KLF5: variants seen among roughly 807,000 people sequenced by gnomAD.
The protein encoded by KLF5 is KLF transcription factor 5.
A neutral mutation model predicts 36.9 loss-of-function variants in KLF5; 9 were observed. The observed-to-expected ratio is 0.24, with a 90% confidence interval of 0.15 to 0.43. KLF5 has a LOEUF of 0.43. Ranked by LOEUF, KLF5 falls within the 20% of genes least tolerant of loss-of-function variation. The probability of loss-of-function intolerance (pLI) is 1.00; values close to 1 mark genes in which losing one functional copy is unlikely to be tolerated. For missense variants in KLF5, 524 were observed against 599.5 expected (o/e 0.87, Z 1.31); for synonymous variants, 246 against 241.7 (o/e 1.02, Z -0.17).
upstream of KLF5, among the ~76,000 whole-genome samples, chr13:73,056,996 T>G (rs1293413671): frequency 1.3e-5 from 2 of 152,106 alleles, no homozygotes; most frequent in African/African-American, 2.4e-5. Context: ...GGTGTGAAAT[T>G]ATAGAAGCAT....
At chr13:73,058,321 G>C (rs574759085), upstream of KLF5, among the ~76,000 whole-genome samples, 25 of 152,218 alleles carry the variant, frequency 1.6e-4, no homozygotes, top group African/African-American at 6.0e-4. Context: ...AATCCTGAAG[G>C]AGTGGGAAAA....
At chr13:73,068,353 A>T (rs1268400492) in intron 3 of KLF5, among the ~76,000 whole-genome samples, 1 of 152,012 alleles carries the variant, frequency 6.6e-6, no homozygotes, top group Admixed American at 6.6e-5. Context: ...TGTACTTGAG[A>T]TTTGCTGCTG....
intron 3 of KLF5, among the ~76,000 whole-genome samples, chr13:73,065,749 T>TAGG (rs1325302937): frequency 6.6e-6 from 1 of 152,214 alleles, no homozygotes; most frequent in Admixed American, 6.5e-5. Context: ...CCTTGAGAGA[T>TAGG]AGGAGGGAAC....
At chr13:73,062,806 TGTGCGTGTGTGCACGCGC>T (rs769303701) in intron 2 of KLF5, 72 bp downstream of exon 2, 215 of 1,327,346 alleles carry the variant, frequency 1.6e-4, no homozygotes, top group Middle Eastern at 1.5e-3. Flanking sequence ...TGCGCGCGCG[TGTGCGTGTGTGCACGCGC>T]GTGCCCTTTT....
chr13:73,068,703 C>CAAA (rs59878653), intron 3 of KLF5, among the ~76,000 whole-genome samples: 4 of 93,206 alleles, frequency 4.3e-5, no homozygotes, highest in Non-Finnish European at 2.0e-5. Flanking sequence ...GACTCCATCT[C>CAAA]AAAAAAAAAA....
At position 73,059,568 on chromosome 13, in the gene KLF5, C is replaced by A; in HGVS notation, c.241C>A (p.Pro81Thr). The A allele has an allele frequency of 8.6e-7, 1 of 1,166,960 alleles. No homozygotes were observed. The highest frequency in any genetic ancestry group is 1.1e-6 in the Non-Finnish European group (1 of 949,748). The allele number at this position is 1,166,960 out of a possible 1,614,324, so 72.3% of individuals were successfully genotyped here. ...AQPPATGPRL[P>T]PEDLVQTRCE... ...GCCGCCCGCCACCGGCCCGCGGCTG[C>A]CTCCAGAGGACCTGGTCCAGGTAGG... The change falls in exon 1 of 4, where the codon CCT (proline) becomes ACT (threonine). Residue 81 changes from proline to threonine, a missense_variant. Coordinates refer to ENST00000377687, the MANE Select transcript of KLF5 (RefSeq NM_001730.5).
upstream of KLF5, among the ~76,000 whole-genome samples, chr13:73,056,735 A>G (rs895228522): frequency 2.6e-5 from 4 of 152,208 alleles, no homozygotes; most frequent in African/African-American, 7.2e-5. Flanking sequence ...TTTCAGAGAA[A>G]CTATTACTTA....
chr13:73,070,384 G>A (rs910769144), intron 3 of KLF5, among the ~76,000 whole-genome samples: 1 of 152,186 alleles, frequency 6.6e-6, no homozygotes, highest in African/African-American at 2.4e-5. Flanking sequence ...ATTCCTCATT[G>A]ACACTTTAAC....
At chr13:73,065,844 T>C (rs2044675323) in intron 3 of KLF5, among the ~76,000 whole-genome samples, 1 of 152,224 alleles carries the variant, frequency 6.6e-6, no homozygotes, top group Non-Finnish European at 1.5e-5. Flanking sequence ...AGGGATGTAG[T>C]CAAACCCATA....
intron 3 of KLF5, among the ~76,000 whole-genome samples, chr13:73,068,865 G>A (rs1309604937): frequency 6.6e-6 from 1 of 152,094 alleles, no homozygotes; most frequent in African/African-American, 2.4e-5. Context: ...GGAGGCGGAG[G>A]CAGGTGGATC....
At position 73,076,843 on chromosome 13, in the gene KLF5, T is replaced by C. The variant is rs1236826852; in HGVS notation, c.*957T>C. 4 of 152,174 alleles carry C rather than the reference T, an allele frequency of 2.6e-5. No individual in the cohort carries two copies. Among genetic ancestry groups the C allele is most frequent in the African/African-American group, 9.7e-5 (4 of 41,442 alleles). 9.4% of individuals were successfully genotyped at this position (152,174 alleles called of 1,614,324 possible). A position where few individuals can be genotyped will look rare whatever the true frequency, so the allele number is the denominator to read the frequency against. On this transcript the variant is annotated 3_prime_UTR_variant, in exon 4 of 4. Transcript: ENST00000377687. ...TGATGCAGTTTCAAGTACCAAAACG[T>C]TGAATTGATGATGCAGTTTTCATAT... is the stretch of plus-strand genomic sequence containing the variant.
chr13:73,062,668 G>C lies in KLF5; in HGVS notation c.1069G>C (p.Val357Leu), dbSNP rs1338061301. 2 of 1,613,946 alleles carry C rather than the reference G, an allele frequency of 1.2e-6. No individual in the cohort carries two copies. Among genetic ancestry groups the C allele is most frequent in the African/African-American group, 2.7e-5 (2 of 74,896 alleles). ...LPVNSQNIQP[V>L]RYNRRSNPDL... Reference sequence around the variant, plus strand: ...AGTTAACTCACAAAACATCCAACCTGTCAGATACAATAGAAGGAGTAACCC... The same window carrying C: ...AGTTAACTCACAAAACATCCAACCTCTCAGATACAATAGAAGGAGTAACCC... Residue 357 changes from valine to leucine, a missense_variant, in exon 2 of 4, where the codon GTC becomes CTC. This residue lies in a region of KLF5 where 46 missense variants were observed against 105.8 expected (regional missense o/e 0.43). Transcript: ENST00000377687.
upstream of KLF5, among the ~76,000 whole-genome samples, chr13:73,057,823 C>G (rs982473567): frequency 1.3e-5 from 2 of 152,074 alleles, no homozygotes; most frequent in Non-Finnish European, 2.9e-5. Context: ...TTCCGTCCTC[C>G]CAATAAGCCA....
At chr13:73,068,033 G>T (rs1415133579) in intron 3 of KLF5, among the ~76,000 whole-genome samples, 1 of 151,588 alleles carries the variant, frequency 6.6e-6, no homozygotes, top group Non-Finnish European at 1.5e-5. Context: ...TGGAGACGGG[G>T]TTTCACCATG....
chr13:73,066,321 G>GT (rs34566215), intron 3 of KLF5, among the ~76,000 whole-genome samples: 55,149 of 146,474 alleles, frequency 0.38, 10,896 homozygotes, highest in East Asian at 0.7. Flanking sequence ...CAGCAAAGGT[G>GT]TTTTTTTTTT....
In KLF5 at chr13:73,059,084, A is replaced by C. The variant is rs1163670189; in HGVS notation, c.-244A>C. 1.1e-5 allele frequency: 4 copies of C among 358,838 alleles called. No individual in the cohort carries two copies. The highest frequency in any genetic ancestry group is 4.2e-5 in the East Asian group (1 of 23,898). The allele number at this position is 358,838 out of a possible 1,614,324, so 22.2% of individuals were successfully genotyped here. On this transcript the variant is annotated 5_prime_UTR_variant, in exon 1 of 4. Transcript: ENST00000377687. ...GGGAGCGGGCTCCGGAGAGCCTGAG[A>C]GCACGGTGGGGCGGGGCGGGAGAAA...
At position 73,059,348 on chromosome 13, in the gene KLF5, C is replaced by T; in HGVS notation, c.21C>T (p.Ser7=). ...TGCCCATGGCTACAAGGGTGCTGAG[C>T]ATGAGCGCCCGCCTGGGACCCGTGC... The part of the protein sequence containing the change: MATRVL[S]MSARLGPVPQ... Residue 7 remains serine, a synonymous_variant, in exon 1 of 4, where the codon AGC becomes AGT. Coordinates refer to ENST00000377687, the MANE Select transcript of KLF5 (RefSeq NM_001730.5). 1 of 1,420,304 alleles carries T rather than the reference C, an allele frequency of 7.0e-7. No homozygotes were observed. The highest frequency in any genetic ancestry group is 9.2e-7 in the Non-Finnish European group (1 of 1,088,544). 88.0% of individuals were successfully genotyped at this position (1,420,304 alleles called of 1,614,324 possible). A position where few individuals can be genotyped will look rare whatever the true frequency, so the allele number is the denominator to read the frequency against.
At position 73,074,430 on chromosome 13, in the gene KLF5, A is replaced by G. The variant is rs568984389; in HGVS notation, c.1196-1278A>G. 1.3e-3 allele frequency among the ~76,000 whole-genome samples: 191 copies of G among 152,180 alleles called. 10 individuals carry two copies. In the South Asian group the frequency reaches 0.036, roughly 29 times the overall value. The stretch of plus-strand genomic sequence containing the variant: ...GAATTTAAGAGGTGAAAAAGTATCT[A>G]TATAAAACTCAGCAGTAAGCCAGTA... On this transcript the variant is annotated intron_variant, in intron 3 of 3. Transcript: ENST00000377687.
chr13:73,071,838 C>T (rs1428102130), intron 3 of KLF5, among the ~76,000 whole-genome samples: 1 of 152,084 alleles, frequency 6.6e-6, no homozygotes, highest in South Asian at 2.1e-4. Context: ...TGTTTAGGTT[C>T]GCAGAACAAG....
Sources: gnomAD v4.1 joint callset for allele counts (sites outside exome capture counted in the v4.1 genomes callset) on GRCh38, gnomAD v4.1.1 for gene constraint, gnomAD v4.1.1 regional missense constraint, MANE v1.5 for transcripts, NCBI Gene and HGNC (gene_info 2026-07-23, HGNC 2026-07-21) for gene names.